Variants in GRID1 observed in about 807,000 individuals in gnomAD.
The protein encoded by GRID1 is glutamate receptor ionotropic, delta-1.
In GRID1, 28 loss-of-function variants were observed where a neutral mutation model predicts 98.0. The observed-to-expected ratio is 0.29, with a 90% CI of 0.21 to 0.39. The LOEUF (loss-of-function observed/expected upper bound fraction) is 0.39. GRID1 is among the 10% of genes least tolerant of loss of function. GRID1 has a pLI of 1.00. For synonymous variants in GRID1, 553 were observed against 538.5 expected (o/e 1.03, Z -0.37); for missense variants, 1,111 against 1,340.5 (o/e 0.83, Z 2.67).
At chr10:85,705,601 C>T (rs1180410941) in intron 12 of GRID1, among the ~76,000 whole-genome samples, 1 of 152,200 alleles carries the variant, frequency 6.6e-6, no homozygotes. Context: ...TTCCCTAACT[C>T]GTTTTATGAG....
At chr10:85,705,970 TAA>T (rs1163133059) in intron 12 of GRID1, among the ~76,000 whole-genome samples, 3 of 152,182 alleles carry the variant, frequency 2.0e-5, no homozygotes, top group African/African-American at 7.2e-5. Flanking sequence ...CTCAAAATAA[TAA>T]GAGCTATTTA....
chr10:85,721,182 T>C (rs2132648322), intron 12 of GRID1, among the ~76,000 whole-genome samples: 1 of 152,092 alleles, frequency 6.6e-6, no homozygotes, highest in African/African-American at 2.4e-5. Flanking sequence ...AAATGAAAAA[T>C]AATGGCAACA....
chr10:85,766,094 A>G (rs556143365), intron 8 of GRID1, among the ~76,000 whole-genome samples: 1 of 152,360 alleles, frequency 6.6e-6, no homozygotes, highest in African/African-American at 2.4e-5. Flanking sequence ...GTGGTAGAGG[A>G]GAAACAAGGT....
At chr10:86,275,845 G>A (rs1208156899) in intron 2 of GRID1, among the ~76,000 whole-genome samples, 1 of 152,040 alleles carries the variant, frequency 6.6e-6, no homozygotes, top group Admixed American at 6.6e-5. Context: ...GAGAGATAAA[G>A]GGGAAGAAGA....
intron 5 of GRID1, among the ~76,000 whole-genome samples, chr10:85,906,774 C>T (rs918060565): frequency 1.3e-5 from 2 of 151,926 alleles, no homozygotes; most frequent in African/African-American, 4.8e-5. Context: ...AAGAAAAAGA[C>T]AGGTCTTAAA....
intron 4 of GRID1, among the ~76,000 whole-genome samples, chr10:85,942,127 G>A (rs988036780): frequency 6.6e-6 from 1 of 152,146 alleles, no homozygotes; most frequent in Admixed American, 6.5e-5. Context: ...CAAACACACT[G>A]GGGCACCCCT....
chr10:85,927,012 G>C (rs1421699716), intron 4 of GRID1, among the ~76,000 whole-genome samples: 2 of 152,116 alleles, frequency 1.3e-5, no homozygotes, highest in African/African-American at 4.8e-5. Context: ...TCTTCCCTGA[G>C]TGTATTAACT....
intron 2 of GRID1, among the ~76,000 whole-genome samples, chr10:86,337,765 T>C (rs1442604337): frequency 7.7e-6 from 1 of 129,102 alleles, no homozygotes; most frequent in Non-Finnish European, 1.5e-5. Flanking sequence ...TGGAGTGCAG[T>C]GACATGATCT....
At chr10:86,332,083 T>C (rs1349618066) in intron 2 of GRID1, among the ~76,000 whole-genome samples, 1 of 152,196 alleles carries the variant, frequency 6.6e-6, no homozygotes, top group Admixed American at 6.5e-5. Context: ...ATTTCAGAGA[T>C]GGGAAACCCC....
intron 14 of GRID1, among the ~76,000 whole-genome samples, chr10:85,615,143 C>T (rs1040095558): frequency 7.2e-5 from 11 of 152,184 alleles, no homozygotes; most frequent in African/African-American, 2.7e-4. Flanking sequence ...AATTCCCACA[C>T]ATGGGCTTGT....
chr10:85,734,799 G>A lies in GRID1; in HGVS notation c.1234-5185C>T, dbSNP rs562257112. On this transcript the variant is annotated intron_variant, in intron 8 of 15. Transcript: ENST00000327946. ...CCATCATTACTGGTCAAGGCCATCC[G>A]TCTGCAATCCAAAATATAAGGCCAG... Among the ~76,000 whole-genome samples the A allele has an allele frequency of 5.9e-5, 9 of 152,244 alleles. No homozygotes were observed. The South Asian group carries it at 6.2e-4, about 11-fold the overall frequency.
intron 15 of GRID1, among the ~76,000 whole-genome samples, chr10:85,612,478 T>C (rs1842744901): frequency 6.6e-6 from 1 of 152,118 alleles, no homozygotes; most frequent in African/African-American, 2.4e-5. Context: ...AAAACAGAAG[T>C]GCTTTTGGGT....
chr10:86,092,402 T>G (rs1844162629), intron 4 of GRID1, among the ~76,000 whole-genome samples: 1 of 152,124 alleles, frequency 6.6e-6, no homozygotes, highest in African/African-American at 2.4e-5. Context: ...GACAAGGTCT[T>G]TGAATTAACC....
chr10:85,901,739 C>G (rs1206061192), intron 5 of GRID1, among the ~76,000 whole-genome samples: 1 of 152,136 alleles, frequency 6.6e-6, no homozygotes, highest in Admixed American at 6.5e-5. Flanking sequence ...AGACTGTGAT[C>G]TAAAGCACAA....
intron 8 of GRID1, among the ~76,000 whole-genome samples, chr10:85,827,079 C>T (rs776053644): frequency 2.6e-5 from 4 of 152,162 alleles, no homozygotes; most frequent in Non-Finnish European, 4.4e-5. Flanking sequence ...TATCCTCTTA[C>T]CTCTTAATGA....
chr10:86,317,915 ATTT>A (rs1249489212), intron 2 of GRID1, among the ~76,000 whole-genome samples: 1 of 151,572 alleles, frequency 6.6e-6, no homozygotes, highest in African/African-American at 2.4e-5. Flanking sequence ...TAATTTTTTA[ATTT>A]TTTTTGTAAA....
chr10:86,178,481 A>C (rs1845609273), intron 3 of GRID1, among the ~76,000 whole-genome samples: 1 of 152,108 alleles, frequency 6.6e-6, no homozygotes, highest in Non-Finnish European at 1.5e-5. Context: ...TAGTGAGGAC[A>C]TTCAGGCCCA....
chr10:85,835,507 C>T (rs765212287), intron 8 of GRID1, among the ~76,000 whole-genome samples: 14 of 152,286 alleles, frequency 9.2e-5, no homozygotes, highest in Middle Eastern at 6.8e-3. Context: ...CCTTGCTGAC[C>T]GCCAGGTAAG....
At chr10:85,832,080 A>G (rs1842872121) in intron 8 of GRID1, among the ~76,000 whole-genome samples, 2 of 152,076 alleles carry the variant, frequency 1.3e-5, no homozygotes, top group Non-Finnish European at 2.9e-5. Flanking sequence ...GATATTTGAC[A>G]ATTTAGATGA....
Sources: gnomAD v4.1 joint callset for allele counts (sites outside exome capture counted in the v4.1 genomes callset) on GRCh38, gnomAD v4.1.1 for gene constraint, MANE v1.5 for transcripts, NCBI Gene and HGNC (gene_info 2026-07-23, HGNC 2026-07-21) for gene names.